The following SOX5 variants were observed in gnomAD, a reference collection of about 807,000 sequenced individuals.
SOX5 encodes transcription factor SOX-5.
In SOX5, 9 loss-of-function variants were observed where a neutral mutation model predicts 92.0. That is an observed-to-expected ratio of 0.10 (90% CI 0.06 to 0.17). The LOEUF is 0.17. SOX5 is among the 10% of genes least tolerant of loss of function. SOX5 has a pLI of 1.00. For missense variants in SOX5, 642 were observed against 944.5 expected (o/e 0.68, Z 4.20); for synonymous variants, 344 against 336.3 (o/e 1.02, Z -0.25).
intron 2 of SOX5, among the ~76,000 whole-genome samples, chr12:23,848,019 A>T (rs1414606006): frequency 6.6e-6 from 1 of 152,154 alleles, no homozygotes; most frequent in Non-Finnish European, 1.5e-5. Context: ...CATAACACAC[A>T]TTAGCTTAGT....
At chr12:23,730,466 G>T (rs780514124) in intron 6 of SOX5, among the ~76,000 whole-genome samples, 7 of 152,158 alleles carry the variant, frequency 4.6e-5, no homozygotes, top group Non-Finnish European at 8.8e-5. Flanking sequence ...CTTGAGGGAA[G>T]ATGGATATTT....
intron 4 of SOX5, among the ~76,000 whole-genome samples, chr12:24,119,650 T>A (rs961920505): frequency 6.6e-6 from 1 of 152,126 alleles, no homozygotes; most frequent in South Asian, 2.1e-4. Context: ...AATTATTCCA[T>A]TGAATTTTAC....
intron 1 of SOX5, among the ~76,000 whole-genome samples, chr12:24,532,407 C>G (rs547850734): frequency 6.6e-6 from 1 of 152,272 alleles, no homozygotes; most frequent in East Asian, 1.9e-4. Flanking sequence ...GAAAAATGCA[C>G]TGATATGAAC....
At chr12:24,160,574 T>C (rs139352422) in intron 4 of SOX5, among the ~76,000 whole-genome samples, 34 of 152,114 alleles carry the variant, frequency 2.2e-4, no homozygotes, top group African/African-American at 7.7e-4. Context: ...ACAAGATTGA[T>C]TCAAGAGAAG....
chr12:23,632,894 A>G (rs2078733800), intron 8 of SOX5, among the ~76,000 whole-genome samples: 1 of 152,148 alleles, frequency 6.6e-6, no homozygotes, highest in Non-Finnish European at 1.5e-5. Flanking sequence ...TTCATTTATG[A>G]CAACTTGGAA....
At chr12:23,578,144 A>AG (rs1565984053) in intron 9 of SOX5, among the ~76,000 whole-genome samples, 1 of 134,908 alleles carries the variant, frequency 7.4e-6, no homozygotes. Context: ...AAAAAAAAAA[A>AG]AAAAAACTAT....
At chr12:23,844,173 C>A (rs974038884) in intron 3 of SOX5, among the ~76,000 whole-genome samples, 1 of 152,140 alleles carries the variant, frequency 6.6e-6, no homozygotes, top group African/African-American at 2.4e-5. Context: ...CATTGTTTAC[C>A]CTCTTGATTG....
chr12:24,041,574 T>A (rs1328458026), intron 4 of SOX5, among the ~76,000 whole-genome samples: 1 of 152,194 alleles, frequency 6.6e-6, no homozygotes, highest in Non-Finnish European at 1.5e-5. Flanking sequence ...TATTATTTCT[T>A]TCTCAAAACT....
At chr12:24,093,223 T>TA (rs982533613) in intron 4 of SOX5, among the ~76,000 whole-genome samples, 6 of 152,056 alleles carry the variant, frequency 3.9e-5, no homozygotes, top group African/African-American at 1.4e-4. Context: ...GGATGTTCTA[T>TA]AAAAAACCTT....
At chr12:24,326,272 C>A (rs563776) in intron 2 of SOX5, among the ~76,000 whole-genome samples, 18,459 of 151,968 alleles carry the variant, frequency 0.12, 1,470 homozygotes, top group South Asian at 0.18. Context: ...TCTCCTTAAG[C>A]TGAGCATTTG....
intron 1 of SOX5, among the ~76,000 whole-genome samples, chr12:24,424,340 G>T (rs552100868): frequency 1.9e-4 from 29 of 152,124 alleles, no homozygotes; most frequent in African/African-American, 7.0e-4. Flanking sequence ...CAAAACAGTC[G>T]ATATTTTATT....
At chr12:24,535,844 C>T (rs16927676) in intron 1 of SOX5, among the ~76,000 whole-genome samples, 12,032 of 152,182 alleles carry the variant, frequency 0.079, 1,530 homozygotes, top group African/African-American at 0.27. Flanking sequence ...TTCTCTACCA[C>T]GGCTGGTCCC....
intron 3 of SOX5, among the ~76,000 whole-genome samples, chr12:23,821,707 G>A (rs189138987): frequency 6.6e-6 from 1 of 152,278 alleles, no homozygotes; most frequent in African/African-American, 2.4e-5. Flanking sequence ...TTAATGTGCT[G>A]CTGAATTCAG....
At chr12:23,774,337 C>T (rs1034161695) in intron 3 of SOX5, among the ~76,000 whole-genome samples, 1 of 151,940 alleles carries the variant, frequency 6.6e-6, no homozygotes, top group Non-Finnish European at 1.5e-5. Flanking sequence ...AAAAATAAAC[C>T]CAATTCTTTT....
chr12:23,558,019 C>A (rs11046974), intron 11 of SOX5, among the ~76,000 whole-genome samples: 56,917 of 149,228 alleles, frequency 0.38, 10,848 homozygotes, highest in East Asian at 0.4. Flanking sequence ...AGTGGAAGGG[C>A]AAAAGATAGA....
chr12:23,876,453 C>T (rs2096928039), intron 2 of SOX5, among the ~76,000 whole-genome samples: 2 of 152,134 alleles, frequency 1.3e-5, no homozygotes, highest in Admixed American at 6.5e-5. Context: ...GTTAGAATGG[C>T]AATCACTAAA....
intron 11 of SOX5, among the ~76,000 whole-genome samples, chr12:23,552,971 G>T (rs1352085649): frequency 6.6e-6 from 1 of 151,834 alleles, no homozygotes; most frequent in African/African-American, 2.4e-5. Flanking sequence ...TTTTAAACCT[G>T]GAGATGTGCA....
intron 1 of SOX5, among the ~76,000 whole-genome samples, chr12:24,463,366 AAGCAAAGAC>A (rs1216142506): frequency 6.6e-6 from 1 of 152,200 alleles, no homozygotes; most frequent in Non-Finnish European, 1.5e-5. Flanking sequence ...CTAAGTTCGA[AAGCAAAGAC>A]AGGAAGACCT....
chr12:23,565,027 C>G (rs1946831145), intron 10 of SOX5, among the ~76,000 whole-genome samples: 1 of 152,072 alleles, frequency 6.6e-6, no homozygotes, highest in South Asian at 2.1e-4. Context: ...AAGAAAAGTT[C>G]CAGTGTAGGC....
Sources: gnomAD v4.1 joint callset for allele counts (sites outside exome capture counted in the v4.1 genomes callset) on GRCh38, gnomAD v4.1.1 for gene constraint, MANE v1.5 for transcripts, NCBI Gene and HGNC (gene_info 2026-07-23, HGNC 2026-07-21) for gene names.